Variants in TEX11 observed in about 807,000 individuals in gnomAD.
TEX11 encodes testis expressed 11, also known as testis-expressed protein 11.
A neutral mutation model predicts 84.4 loss-of-function variants in TEX11; 7 were observed. The ratio of observed to expected loss-of-function variants is 0.08; its 90% confidence interval spans 0.05 to 0.16. TEX11 has a LOEUF of 0.16. TEX11 is among the 10% of genes least tolerant of loss of function. The pLI is 1.00. For synonymous variants in TEX11, 264 were observed against 222.8 expected (o/e 1.18, Z -1.64); for missense variants, 551 against 660.5 (o/e 0.83, Z 1.82).
At chrX:70,770,584 G>GA (rs766136868) in intron 9 of TEX11, among the ~76,000 whole-genome samples, 3 of 107,397 alleles carry the variant, frequency 2.8e-5, no homozygotes, top group African/African-American at 1.0e-4. Context: ...AATAATAAAA[G>GA]AAAAAAAAGA....
chrX:70,519,518 T>C, the TEX11 span, among the ~76,000 whole-genome samples: 1 of 112,036 alleles, frequency 8.9e-6, no homozygotes, highest in Non-Finnish European at 1.9e-5. Context: ...GTGGGTCACC[T>C]AACCTTTCTC....
intron 7 of TEX11, among the ~76,000 whole-genome samples, chrX:70,835,733 T>C (rs1409204808): frequency 8.9e-6 from 1 of 112,372 alleles, no homozygotes; most frequent in Non-Finnish European, 1.9e-5. Context: ...TTGATTTTTA[T>C]GAGGATCAAA....
chrX:70,555,161 T>C (rs1261076746), intron 25 of TEX11, among the ~76,000 whole-genome samples: 1 of 111,900 alleles, frequency 8.9e-6, no homozygotes, highest in Non-Finnish European at 1.9e-5. Context: ...AACTTTCAAC[T>C]GGGCTGGTGC....
chrX:70,835,011 C>T (rs780728185), intron 7 of TEX11, among the ~76,000 whole-genome samples: 1 of 110,730 alleles, frequency 9.0e-6, no homozygotes, highest in Non-Finnish European at 1.9e-5. Context: ...TGAGTAGATA[C>T]TCTCTTATAA....
At chrX:70,657,904 A>G (rs1425986584) in intron 16 of TEX11, among the ~76,000 whole-genome samples, 1 of 68,792 alleles carries the variant, frequency 1.5e-5, no homozygotes, top group Non-Finnish European at 2.5e-5. Context: ...GAAGGGGAAC[A>G]TCACACTCTG....
chrX:70,547,446 C>A (rs887619572), intron 28 of TEX11, among the ~76,000 whole-genome samples: 4 of 111,231 alleles, frequency 3.6e-5, no homozygotes, highest in African/African-American at 1.3e-4. Flanking sequence ...AGAGCTCCTG[C>A]ACAGCAAAAG....
At chrX:70,883,727 A>G (rs1295687281) in intron 2 of TEX11, among the ~76,000 whole-genome samples, 2 of 112,430 alleles carry the variant, frequency 1.8e-5, no homozygotes, top group African/African-American at 6.5e-5. Context: ...ATTTTAGTCC[A>G]TTTAATTTAA....
intron 28 of TEX11, among the ~76,000 whole-genome samples, chrX:70,539,287 G>A (rs1345548915): frequency 1.8e-5 from 2 of 108,436 alleles, no homozygotes; most frequent in African/African-American, 6.7e-5. Flanking sequence ...ATCCGCCTCG[G>A]CCTCCCAAAG....
chrX:70,885,837 G>A (rs893536727), intron 2 of TEX11, among the ~76,000 whole-genome samples: 1 of 99,502 alleles, frequency 1.0e-5, no homozygotes, highest in African/African-American at 3.9e-5. Context: ...GTTGCAGTGA[G>A]CCAAGATCGA....
At position 70,662,030 on chromosome X, in the gene TEX11, C is replaced by T. The variant is rs755078799; in HGVS notation, c.1380+8347G>A. ...AAAGCTGGATAGAGAATGACTTTGACGAGTTGAGAGAAGGCTTCAGACGAT... is the reference window on the plus strand; with the variant it reads ...AAAGCTGGATAGAGAATGACTTTGATGAGTTGAGAGAAGGCTTCAGACGAT... On this transcript the variant is annotated intron_variant, in intron 16 of 29. Coordinates refer to ENST00000374333, the MANE Select transcript of TEX11 (RefSeq NM_031276.3). Among the ~76,000 whole-genome samples, 12 of 112,009 alleles carry T rather than the reference C, an allele frequency of 1.1e-4. No individual in the cohort carries two copies. In the South Asian group the frequency reaches 4.5e-3, roughly 42 times the overall value.
At chrX:70,650,165 G>A (rs906021666) in intron 17 of TEX11, among the ~76,000 whole-genome samples, 30 of 111,222 alleles carry the variant, frequency 2.7e-4, no homozygotes, top group African/African-American at 9.1e-4. Flanking sequence ...ACAGTAAAGG[G>A]CCCTGAGGTA....
intron 5 of TEX11, among the ~76,000 whole-genome samples, 199 bp downstream of exon 5, chrX:70,860,658 C>T: frequency 9.0e-6 from 1 of 111,715 alleles, no homozygotes; most frequent in South Asian, 3.7e-4. Context: ...TTCACTGAAC[C>T]ACCGTAATTA....
chrX:70,787,095 T>C (rs1470381558), intron 9 of TEX11, among the ~76,000 whole-genome samples: 2 of 111,320 alleles, frequency 1.8e-5, no homozygotes, highest in Non-Finnish European at 3.8e-5. Flanking sequence ...GATTGTGCCA[T>C]TGCACTCCAG....
At chrX:70,522,533 CAG>C in the TEX11 span, among the ~76,000 whole-genome samples, 2 of 110,896 alleles carry the variant, frequency 1.8e-5, no homozygotes, top group African/African-American at 6.6e-5. Flanking sequence ...TGCAAATACA[CAG>C]AGAGTTCTTT....
At chrX:70,670,263 G>T in intron 16 of TEX11, 114 bp downstream of exon 16, 1 of 817,841 alleles carries the variant, frequency 1.2e-6, no homozygotes. Flanking sequence ...TTCTATATGA[G>T]GGAACTCTCA....
intron 25 of TEX11, among the ~76,000 whole-genome samples, chrX:70,555,293 A>G (rs1478225463): frequency 3.6e-5 from 4 of 112,384 alleles, no homozygotes; most frequent in Admixed American, 2.9e-4. Flanking sequence ...TTTCTTGGGC[A>G]TCAGCATAGA....
chrX:70,828,808 C>T (rs1823059334), intron 8 of TEX11, among the ~76,000 whole-genome samples: 1 of 110,580 alleles, frequency 9.0e-6, no homozygotes, highest in Non-Finnish European at 1.9e-5. Context: ...ATCAAACTCC[C>T]AAAGGTCAAG....
At chrX:70,788,989 G>T (rs866307506) in intron 9 of TEX11, among the ~76,000 whole-genome samples, 59 of 72,265 alleles carry the variant, frequency 8.2e-4, no homozygotes, top group East Asian at 1.7e-3. Flanking sequence ...GAGAGAGAGA[G>T]AGAGAGAGAG....
At chrX:70,572,514 A>G (rs2088614871) in intron 25 of TEX11, among the ~76,000 whole-genome samples, 1 of 110,971 alleles carries the variant, frequency 9.0e-6, no homozygotes, top group African/African-American at 3.3e-5. Context: ...TATACCCAAA[A>G]GATTTTAAAT....
Sources: gnomAD v4.1 joint callset for allele counts (sites outside exome capture counted in the v4.1 genomes callset) on GRCh38, gnomAD v4.1.1 for gene constraint, MANE v1.5 for transcripts, NCBI Gene and HGNC (gene_info 2026-07-23, HGNC 2026-07-21) for gene names.